CAGE1: variants seen among roughly 807,000 people sequenced by gnomAD.
CAGE1 encodes the protein cancer-associated gene 1 protein.
In CAGE1, 66 loss-of-function variants were observed where a neutral mutation model predicts 94.9. The ratio of observed to expected loss-of-function variants is 0.70; its 90% CI spans 0.57 to 0.85. The LOEUF (loss-of-function observed/expected upper bound fraction) is 0.85, where lower values mean the gene tolerates loss of function less well. Among genes scored for constraint, CAGE1 ranks in the 40% least tolerant of loss-of-function variants. The probability of loss-of-function intolerance (pLI) is 0.00; values close to 1 mark genes in which losing one functional copy is unlikely to be tolerated. For synonymous variants in CAGE1, 319 were observed against 321.0 expected (o/e 0.99, Z 0.07); for missense variants, 865 against 950.4 (o/e 0.91, Z 1.18).
At chr6:7,356,212 T>C in intron 9 of CAGE1, 83 bp from the exon 10 acceptor site, 1 of 733,388 alleles carries the variant, frequency 1.4e-6, no homozygotes, top group Non-Finnish European at 2.3e-6. Flanking sequence ...ATGAGAAAAC[T>C]GAGCAATACT....
At chr6:7,343,198 A>AAAAAG (rs1554136906) in intron 11 of CAGE1, among the ~76,000 whole-genome samples, 1,463 of 137,176 alleles carry the variant, frequency 0.011, 22 homozygotes, top group African/African-American at 0.022. Context: ...CACAAAAAAA[A>AAAAAG]AAAAGAAAAG....
intron 13 of CAGE1, chr6:7,329,124 G>T: frequency 2.9e-6 from 1 of 344,486 alleles, no homozygotes; most frequent in South Asian, 1.1e-4. Flanking sequence ...ATAGAGACGA[G>T]GGTTCCCCAT....
chr6:7,364,257 C>G (rs1025309078), intron 9 of CAGE1, among the ~76,000 whole-genome samples: 3 of 152,176 alleles, frequency 2.0e-5, no homozygotes, highest in African/African-American at 7.2e-5. Flanking sequence ...CTCTTCCAGT[C>G]CTCGGACAAG....
At chr6:7,342,173 G>C in intron 11 of CAGE1, 1 of 1,015,462 alleles carries the variant, frequency 9.8e-7, no homozygotes, top group Non-Finnish European at 1.6e-6. Context: ...TGCCTGGACA[G>C]TTGGGCCCCC....
chr6:7,347,601 A>C (rs1267348743), intron 11 of CAGE1, among the ~76,000 whole-genome samples: 1 of 151,896 alleles, frequency 6.6e-6, no homozygotes, highest in Non-Finnish European at 1.5e-5. Flanking sequence ...TGGGAAATCT[A>C]TCTGGTTTGC....
At chr6:7,365,931 C>A (rs370639486) in intron 7 of CAGE1, 47 bp from the exon 8 acceptor site, 2 of 1,084,950 alleles carry the variant, frequency 1.8e-6, no homozygotes, top group Non-Finnish European at 2.7e-6. Context: ...AATACAACTA[C>A]GCTCTAATAT....
Position 7,334,049 on chromosome 6 carries a change from T to C in CAGE1, c.2411A>G (p.Lys804Arg), listed in dbSNP as rs1185307317. ...TGGTTTTCTGGCTTTTTCTCTGGGC[T>C]TTCTAATTAAATCCTCTAAATGTTT... ...RNKHLEDLIR[K>R]PREKARKPRS... Residue 804 changes from lysine (K) to arginine (R), a missense_variant, in exon 12 of 14, where the codon AAG becomes AGG. By Grantham distance (26) the Lys-to-Arg change is conservative (BLOSUM62 2). Transcript: ENST00000502583. 1.3e-6 allele frequency: 2 copies of C among 1,536,208 alleles called. No homozygotes were observed. The highest frequency in any genetic ancestry group is 1.2e-5 in the South Asian group (1 of 82,412).
At chr6:7,344,865 C>T (rs1759367874) in intron 11 of CAGE1, among the ~76,000 whole-genome samples, 1 of 152,172 alleles carries the variant, frequency 6.6e-6, no homozygotes, top group African/African-American at 2.4e-5. Flanking sequence ...CTTGGAGAAC[C>T]TTTGTGTCGA....
intron 7 of CAGE1, among the ~76,000 whole-genome samples, chr6:7,367,690 C>T (rs1166905433): frequency 6.6e-6 from 1 of 152,176 alleles, no homozygotes; most frequent in Non-Finnish European, 1.5e-5. Flanking sequence ...CTGTCCTCTA[C>T]AGGCTGGCTA....
intron 12 of CAGE1, among the ~76,000 whole-genome samples, 163 bp from the exon 13 acceptor site, chr6:7,330,051 CT>C (rs1465190288): frequency 6.6e-6 from 1 of 152,096 alleles, no homozygotes; most frequent in Non-Finnish European, 1.5e-5. Flanking sequence ...TAAGATCAAG[CT>C]TTTTGGTATA....
chr6:7,373,657 C>A lies in CAGE1; in HGVS notation c.1162G>T (p.Val388Phe), dbSNP rs774109668. The change falls in exon 5 of 14, where the codon GTT becomes TTT. Residue 388 changes from valine (V) to phenylalanine (F), a missense_variant. By Grantham distance (50) the Val-to-Phe change is conservative. Transcript: ENST00000502583. Reference protein sequence around the residue: ...TKKTLQNLEEVLANTQKHLQE... With the variant: ...TKKTLQNLEEFLANTQKHLQE... The stretch of plus-strand genomic sequence containing the variant: ...AGATGTTTTTGCGTGTTAGCTAAAA[C>A]CTCTTCCAAATTCTGCAATGTCTTT... 2.5e-6 allele frequency: 4 copies of A among 1,613,302 alleles called. No homozygotes were observed. Among genetic ancestry groups the A allele is most frequent in the Admixed American group, 3.3e-5 (2 of 59,962 alleles).
intron 5 of CAGE1, 62 bp from the exon 6 acceptor site, chr6:7,370,127 T>G: frequency 7.5e-7 from 1 of 1,329,620 alleles, no homozygotes; most frequent in Admixed American, 2.5e-5. Flanking sequence ...ATCTTTTAAG[T>G]AAAATGCTGA....
At chr6:7,365,968 G>A (rs955470049) in intron 7 of CAGE1, 84 bp from the exon 8 acceptor site, 16 of 831,902 alleles carry the variant, frequency 1.9e-5, no homozygotes, top group South Asian at 7.5e-5. Flanking sequence ...AAACCGGGCC[G>A]GGCGTAGTGG....
chr6:7,371,571 T>C (rs1760540073), intron 5 of CAGE1, among the ~76,000 whole-genome samples: 1 of 152,086 alleles, frequency 6.6e-6, no homozygotes, highest in Non-Finnish European at 1.5e-5. Context: ...TCACCTGAGA[T>C]TGGGAGTTCA....
In CAGE1 at chr6:7,356,049, T is replaced by C. The variant is rs1264229048; in HGVS notation, c.2274A>G (p.Arg758=). ...RLIEENDKYQ[R]HLGNLIKKVT... ...CCTTCTTTATTAAGTTGCCTAAATGTCTTTGATACTTGTCATTTTCTTCAA... is the reference window on the plus strand; with the variant it reads ...CCTTCTTTATTAAGTTGCCTAAATGCCTTTGATACTTGTCATTTTCTTCAA... Residue 758 remains arginine (R), a synonymous_variant, in exon 10 of 14, where the codon AGA becomes AGG. Coordinates refer to ENST00000502583, the MANE Select transcript of CAGE1 (RefSeq NM_001170692.2). The C allele has an allele frequency of 6.5e-7, 1 of 1,545,122 alleles. No individual in the cohort carries two copies. The highest frequency in any genetic ancestry group is 8.8e-7 in the Non-Finnish European group (1 of 1,140,974).
chr6:7,360,151 C>T (rs1760119301), intron 9 of CAGE1, among the ~76,000 whole-genome samples: 1 of 152,220 alleles, frequency 6.6e-6, no homozygotes, highest in South Asian at 2.1e-4. Context: ...CTTTTAAGAA[C>T]TCATGATTAT....
chr6:7,345,041 C>T (rs919553961), intron 11 of CAGE1, among the ~76,000 whole-genome samples: 14 of 152,306 alleles, frequency 9.2e-5, no homozygotes, highest in East Asian at 7.7e-4. Context: ...GTGCCCAAGC[C>T]AGCAGCGGCA....
intron 11 of CAGE1, among the ~76,000 whole-genome samples, chr6:7,353,843 TG>T (rs1759864297): frequency 6.6e-6 from 1 of 151,938 alleles, no homozygotes; most frequent in South Asian, 2.1e-4. Flanking sequence ...AACTCAGGAA[TG>T]GAAAACCAAA....
At position 7,329,870 on chromosome 6, in the gene CAGE1, A is replaced by C; in HGVS notation, c.2457T>G (p.Asn819Lys). 1 of 1,461,834 alleles carries C rather than the reference A, an allele frequency of 6.8e-7. No individual in the cohort carries two copies. The allele number at this position is 1,461,834 out of a possible 1,614,324, so 90.6% of individuals were successfully genotyped here. The part of the protein sequence containing the change: ...ARKPRSKSLE[N>K]HPKSMTMMPA... ...CTACCATGGTCATGGACTTCGGATG[A>C]TTTTCTAAGCTTTTTGATCTGTAAG... The change falls in exon 13 of 14, where the codon AAT (asparagine) becomes AAG (lysine). Residue 819 changes from asparagine (N) to lysine (K), a missense_variant. Coordinates refer to ENST00000502583, the MANE Select transcript of CAGE1 (RefSeq NM_001170692.2).
Sources: gnomAD v4.1 joint callset for allele counts (sites outside exome capture counted in the v4.1 genomes callset) on GRCh38, gnomAD v4.1.1 for gene constraint, MANE v1.5 for transcripts, NCBI Gene and HGNC (gene_info 2026-07-23, HGNC 2026-07-21) for gene names.